The following ZMAT3 variants were observed in gnomAD, a reference collection of about 807,000 sequenced individuals.
The protein encoded by ZMAT3 is zinc finger matrin-type 3, also known as zinc finger matrin-type protein 3.
In ZMAT3, 17 loss-of-function variants were observed where a neutral mutation model predicts 32.3. The observed-to-expected ratio is 0.53, with a 90% confidence interval of 0.36 to 0.79. ZMAT3 has a LOEUF of 0.79. Ranked by LOEUF, ZMAT3 falls within the 30% of genes least tolerant of loss-of-function variation. ZMAT3 has a pLI of 0.00. For missense variants in ZMAT3, 329 were observed against 359.7 expected, an observed-to-expected ratio of 0.91 and a Z score of 0.69; for synonymous variants, 120 against 133.1, an observed-to-expected ratio of 0.90 and a Z score of 0.68.
At position 179,024,869 on chromosome 3, in the gene ZMAT3, T is replaced by C; in HGVS notation, c.*148A>G. ...CCCGCCCCGCCCCCGGGCCCCCAGGTTTTGACATCTCATGGTACCACTGTG... is the reference window on the plus strand; with the variant it reads ...CCCGCCCCGCCCCCGGGCCCCCAGGCTTTGACATCTCATGGTACCACTGTG... On this transcript the variant is annotated 3_prime_UTR_variant, in exon 6 of 6. Coordinates refer to ENST00000311417, the MANE Select transcript of ZMAT3 (RefSeq NM_022470.4). 6.3e-6 allele frequency: 3 copies of C among 474,272 alleles called. No homozygotes were observed. Among genetic ancestry groups the C allele is most frequent in the Non-Finnish European group, 7.2e-6 (2 of 276,308 alleles). The allele number at this position is 474,272 out of a possible 1,614,324, so 29.4% of individuals were successfully genotyped here.
At position 179,023,573 on chromosome 3, in the gene ZMAT3, A is replaced by G. The variant is rs575197637; in HGVS notation, c.*1444T>C. 1.5e-4 allele frequency: 22 copies of G among 149,428 alleles called. No individual in the cohort carries two copies. Among genetic ancestry groups the G allele is most frequent in the African/African-American group, 3.2e-4 (13 of 40,600 alleles). 9.3% of individuals were successfully genotyped at this position (149,428 alleles called of 1,614,324 possible). On this transcript the variant is annotated 3_prime_UTR_variant, in exon 6 of 6. Transcript: ENST00000311417. ...TATCAAAAAAGTCTGGCAAAACAAA[A>G]TATCAAGCAATCTGAACTTATGGTT...
In ZMAT3 at chr3:179,030,976, G is replaced by T. The variant is rs1340851346; in HGVS notation, c.294C>A (p.Leu98=). 1.2e-6 allele frequency: 2 copies of T among 1,613,188 alleles called. No individual in the cohort carries two copies. Among genetic ancestry groups the T allele is most frequent in the Non-Finnish European group, 1.7e-6 (2 of 1,179,618 alleles). The part of the protein sequence containing the change: ...HYQGKNHGKK[L]RNYYAANSCP... ...AGCTATTTGCTGCATAGTAATTTCG[G>T]AGTTTCTTACCATGATTTTTACCCT... The change falls in exon 3 of 6, where the codon CTC becomes CTA. Residue 98 remains leucine, a synonymous_variant. Coordinates refer to ENST00000311417, the MANE Select transcript of ZMAT3 (RefSeq NM_022470.4).
intron 2 of ZMAT3, among the ~76,000 whole-genome samples, chr3:179,062,479 T>G (rs1227522459): frequency 6.6e-6 from 1 of 151,996 alleles, no homozygotes; most frequent in Non-Finnish European, 1.5e-5. Context: ...AAAGAAAGGG[T>G]ATCTATCATT....
intron 2 of ZMAT3, among the ~76,000 whole-genome samples, 162 bp from the exon 3 acceptor site, chr3:179,031,161 T>G (rs535240653): frequency 1.3e-5 from 2 of 152,296 alleles, no homozygotes; most frequent in South Asian, 4.1e-4. Flanking sequence ...AATTGTTCTT[T>G]TTTCTAATTA....
chr3:179,058,531 C>T (rs1178209874), intron 2 of ZMAT3, among the ~76,000 whole-genome samples: 4 of 152,012 alleles, frequency 2.6e-5, no homozygotes, highest in Non-Finnish European at 4.4e-5. Flanking sequence ...CCGAGGCGGG[C>T]GGATCACGAG....
chr3:179,041,629 C>A (rs1719933810), intron 2 of ZMAT3, among the ~76,000 whole-genome samples: 1 of 152,132 alleles, frequency 6.6e-6, no homozygotes, highest in Non-Finnish European at 1.5e-5. Flanking sequence ...CAAGAGAAAG[C>A]AGGAAAGATC....
intron 2 of ZMAT3, among the ~76,000 whole-genome samples, chr3:179,037,256 T>G (rs959329944): frequency 2.0e-5 from 3 of 152,138 alleles, no homozygotes; most frequent in African/African-American, 4.8e-5. Flanking sequence ...TTCGCCAAGC[T>G]GCAGGTGGCA....
rs576238760 is a variant in ZMAT3 at position 179,037,892 on chromosome 3, T to A, written c.271-6893A>T. Among the ~76,000 whole-genome samples, 3 of 152,314 alleles carry A rather than the reference T, an allele frequency of 2.0e-5. No individual in the cohort carries two copies. The East Asian group carries it at 5.8e-4, about 29-fold the overall frequency. On this transcript the variant is annotated intron_variant, in intron 2 of 5. Transcript: ENST00000311417. ...AAACAGTGAACAAAGGCAAAGTCTC[T>A]GCCCTCAAGAAGCTTTTCTAGGGGA...
chr3:179,059,863 C>T lies in ZMAT3; in HGVS notation c.270+7620G>A, dbSNP rs146375044. The stretch of plus-strand genomic sequence containing the variant: ...GGACTAGCTGGATTTCCTAGGTCGA[C>T]TAAGAATCCCTAAGCCTAGCTGGGA... On this transcript the variant is annotated intron_variant, in intron 2 of 5. Transcript: ENST00000311417. Among the ~76,000 whole-genome samples, 122 of 152,270 alleles carry T rather than the reference C, an allele frequency of 8.0e-4. 2 individuals are homozygous for T. The highest frequency in any genetic ancestry group is 3.4e-3 in the Middle Eastern group (1 of 294).
rs941790510 is a variant in ZMAT3 at position 179,071,803 on chromosome 3, A to G, written c.-266T>C. 6.5e-6 allele frequency: 1 copy of G among 152,886 alleles called. No individual in the cohort carries two copies. Among genetic ancestry groups the G allele is most frequent in the Admixed American group, 6.5e-5 (1 of 15,312 alleles). The allele number at this position is 152,886 out of a possible 1,614,324, so 9.5% of individuals were successfully genotyped here. On this transcript the variant is annotated 5_prime_UTR_variant, in exon 1 of 6. Transcript: ENST00000311417. The stretch of plus-strand genomic sequence containing the variant: ...GACCCACAGGGAAACAGCTGCAGGA[A>G]GTGACTGCGGAACCGGGAGGCGGTG...
At chr3:179,042,072 C>A (rs887099683) in intron 2 of ZMAT3, among the ~76,000 whole-genome samples, 1 of 152,148 alleles carries the variant, frequency 6.6e-6, no homozygotes, top group African/African-American at 2.4e-5. Context: ...GTAACAGGCT[C>A]TGAAATTGAG....
intron 2 of ZMAT3, among the ~76,000 whole-genome samples, chr3:179,048,236 T>A (rs1720351361): frequency 6.6e-6 from 1 of 152,186 alleles, no homozygotes; most frequent in Non-Finnish European, 1.5e-5. Flanking sequence ...GCAAAACATA[T>A]TTGAGGGAAT....
rs1719027440 is a variant in ZMAT3 at position 179,028,882 on chromosome 3, G to A, written c.391-1070C>T. ...TAAGATCAAAAGAAATTCTTGGGCTGGACACGGTGGCTCATGCCTGTAGTC... is the reference window on the plus strand; with the variant it reads ...TAAGATCAAAAGAAATTCTTGGGCTAGACACGGTGGCTCATGCCTGTAGTC... On this transcript the variant is annotated intron_variant, in intron 3 of 5. Transcript: ENST00000311417. Among the ~76,000 whole-genome samples, 4 of 152,282 alleles carry A rather than the reference G, an allele frequency of 2.6e-5. No individual in the cohort carries two copies. The South Asian group carries it at 8.3e-4, about 32-fold the overall frequency.
Position 179,027,630 on chromosome 3 carries a change from A to G in ZMAT3, c.557+16T>C. On this transcript the variant is annotated intron_variant, in intron 4 of 5. Coordinates refer to ENST00000311417, the MANE Select transcript of ZMAT3 (RefSeq NM_022470.4). ...TCACATAACACTTTGGCCTCAGAGA[A>G]AATGGCAATACCTACGAGAATGAGT... The G allele has an allele frequency of 6.2e-7, 1 of 1,614,084 alleles. No individual in the cohort carries two copies. The highest frequency in any genetic ancestry group is 8.5e-7 in the Non-Finnish European group (1 of 1,179,958).
rs1166101303 is a variant in ZMAT3, at chr3:179,024,789, T to C, written c.*228A>G. ...ACATGCTATGAGCGGCTCAACACCATTGACCCTGCAAAAGCGTTATGACCT... is the reference window on the plus strand; with the variant it reads ...ACATGCTATGAGCGGCTCAACACCACTGACCCTGCAAAAGCGTTATGACCT... On this transcript the variant is annotated 3_prime_UTR_variant, in exon 6 of 6. Transcript: ENST00000311417. The C allele has an allele frequency of 1.7e-5, 9 of 524,492 alleles. No individual in the cohort carries two copies. The highest frequency in any genetic ancestry group is 1.3e-4 in the East Asian group (4 of 30,068). 32.5% of individuals were successfully genotyped at this position (524,492 alleles called of 1,614,324 possible).
chr3:179,061,331 G>C (rs1019286848), intron 2 of ZMAT3, among the ~76,000 whole-genome samples: 4 of 151,870 alleles, frequency 2.6e-5, no homozygotes, highest in Non-Finnish European at 4.4e-5. Context: ...AGGGGAGAAC[G>C]ATAATATGAA....
intron 2 of ZMAT3, among the ~76,000 whole-genome samples, chr3:179,038,503 AG>A (rs1719728157): frequency 6.6e-6 from 1 of 152,214 alleles, no homozygotes; most frequent in Non-Finnish European, 1.5e-5. Flanking sequence ...AGTTAAACCC[AG>A]AAGGTTGAGG....
chr3:179,064,485 A>G (rs78302474), intron 2 of ZMAT3, among the ~76,000 whole-genome samples: 1,685 of 152,136 alleles, frequency 0.011, 35 homozygotes, highest in African/African-American at 0.039. Flanking sequence ...GCTGGAGTGC[A>G]GTGGCATGAT....
rs1365554553 is a variant in ZMAT3, at chr3:179,024,110, G to A, written c.*907C>T. The stretch of plus-strand genomic sequence containing the variant: ...ACAGCACAGCTGGGGCATGAAAATG[G>A]GCTTGTTAGACAAGCTGATTCAACT... On this transcript the variant is annotated 3_prime_UTR_variant, in exon 6 of 6. Coordinates refer to ENST00000311417, the MANE Select transcript of ZMAT3 (RefSeq NM_022470.4). 1 of 152,054 alleles carries A rather than the reference G, an allele frequency of 6.6e-6. No individual in the cohort carries two copies. The highest frequency in any genetic ancestry group is 1.9e-4 in the East Asian group (1 of 5,168). 9.4% of individuals were successfully genotyped at this position (152,054 alleles called of 1,614,324 possible).
Sources: allele counts gnomAD v4.1 joint callset (sites outside exome capture counted in the v4.1 genomes callset), GRCh38; gene constraint gnomAD v4.1.1; transcripts MANE v1.5; gene names NCBI Gene and HGNC (gene_info 2026-07-23, HGNC 2026-07-21).